The following RBM19 variants were observed in gnomAD, a reference collection of about 807,000 sequenced individuals.
RBM19 encodes the protein RNA binding motif protein 19, also known as probable RNA-binding protein 19.
Under a neutral mutation model 116.8 loss-of-function variants are expected in RBM19, and 94 were observed. The observed-to-expected ratio is 0.80, with a 90% CI of 0.68 to 0.95. The LOEUF is 0.95. Ranked by LOEUF, RBM19 falls within the 40% of genes least tolerant of loss-of-function variation. The pLI is 0.00. For missense variants in RBM19, 1,161 were observed against 1,220.7 expected (o/e 0.95, Z 0.73); for synonymous variants, 475 against 494.1 (o/e 0.96, Z 0.51).
intron 10 of RBM19, 80 bp from the exon 11 acceptor site, chr12:113,947,544 G>A (rs543939985): frequency 1.4e-6 from 2 of 1,464,920 alleles, no homozygotes; most frequent in African/African-American, 2.8e-5. Flanking sequence ...CACCAGCTGT[G>A]AGCCAACCTC....
In RBM19 at chr12:113,940,325, T is replaced by C. The variant is rs1593621487; in HGVS notation, c.1738-165A>G. 2.6e-5 allele frequency among the ~76,000 whole-genome samples: 4 copies of C among 152,342 alleles called. No homozygotes were observed. The South Asian group carries it at 8.3e-4, about 32-fold the overall frequency. ...GGAGGAACGACCCTCTCTGGCATGA[T>C]GCTCCCTGCAAGGCTGCAAGGCAGC... is the stretch of plus-strand genomic sequence containing the variant. On this transcript the variant is annotated intron_variant, in intron 14 of 23. Transcript: ENST00000261741.
At chr12:113,924,550 T>G in intron 18 of RBM19, 147 bp downstream of exon 18, 1 of 759,452 alleles carries the variant, frequency 1.3e-6, no homozygotes, top group South Asian at 1.5e-5. Context: ...TCAAAGAGTC[T>G]GAGGCTGACC....
intron 15 of RBM19, among the ~76,000 whole-genome samples, chr12:113,938,716 A>C (rs556172964): frequency 3.9e-5 from 6 of 152,294 alleles, no homozygotes; most frequent in African/African-American, 1.4e-4. Flanking sequence ...AAGTGTCCTT[A>C]TAAGAGAAAC....
intron 22 of RBM19, among the ~76,000 whole-genome samples, chr12:113,854,488 C>T (rs1877717075): frequency 6.6e-6 from 1 of 152,042 alleles, no homozygotes; most frequent in Admixed American, 6.6e-5. Flanking sequence ...AACCTCTGTC[C>T]CCTGCTTCCC....
At chr12:113,844,869 C>G in intron 22 of RBM19, 81 bp from the exon 23 acceptor site, 1 of 1,489,574 alleles carries the variant, frequency 6.7e-7, no homozygotes, top group Non-Finnish European at 9.0e-7. Flanking sequence ...AGCTGCCTGC[C>G]TGCGTCTCAG....
intron 19 of RBM19, among the ~76,000 whole-genome samples, chr12:113,920,165 C>T (rs1868402454): frequency 6.6e-6 from 1 of 152,178 alleles, no homozygotes; most frequent in Non-Finnish European, 1.5e-5. Flanking sequence ...GACTTCTGGC[C>T]AAGCAGGTGT....
chr12:113,851,734 G>GT (rs11361920), intron 22 of RBM19, among the ~76,000 whole-genome samples: 58,000 of 144,192 alleles, frequency 0.4, 11,811 homozygotes, highest in East Asian at 0.5. Context: ...TTGTGGTAAA[G>GT]TTTTTTTTTT....
At chr12:113,819,543 C>T (rs1215696877), downstream of RBM19, among the ~76,000 whole-genome samples, 3 of 152,208 alleles carry the variant, frequency 2.0e-5, no homozygotes, top group African/African-American at 7.2e-5. Context: ...CTCAGTGCCA[C>T]CTCTGTGGGT....
At position 113,914,972 on chromosome 12, in the gene RBM19, A is replaced by G; in HGVS notation, c.2555T>C (p.Phe852Ser). Residue 852 changes from phenylalanine (F) to serine (S), a missense_variant, in exon 21 of 24, where the codon TTC (phenylalanine) becomes TCC (serine). Physicochemically the swap from Phe to Ser is radical, Grantham distance 155 (BLOSUM62 -2). Transcript: ENST00000261741. Reference sequence around the variant, plus strand: ...GGACTAAACCTGAAGTTCTCACCTGAAGAGCTCTCGGATCTCCCGGCTGTG... The same window carrying G: ...GGACTAAACCTGAAGTTCTCACCTGGAGAGCTCTCGGATCTCCCGGCTGTG... ...QAHSREIREL[F>S]STFGELKTVR... is the part of the protein sequence containing the mutation. The G allele has an allele frequency of 6.2e-7, 1 of 1,612,896 alleles. No homozygotes were observed. Among genetic ancestry groups the G allele is most frequent in the South Asian group, 1.1e-5 (1 of 91,068 alleles).
chr12:113,866,467 T>A (rs1878816797), intron 21 of RBM19, among the ~76,000 whole-genome samples: 2 of 152,158 alleles, frequency 1.3e-5, no homozygotes, highest in Non-Finnish European at 2.9e-5. Context: ...GGGCCTGCGT[T>A]TCAGATGGAA....
intron 21 of RBM19, among the ~76,000 whole-genome samples, chr12:113,911,062 G>A (rs1379623998): frequency 2.7e-5 from 4 of 148,930 alleles, no homozygotes; most frequent in African/African-American, 5.0e-5. Flanking sequence ...GGTGGGGGGG[G>A]TGGGAAGCCC....
At chr12:113,900,853 G>A (rs776124270) in intron 21 of RBM19, among the ~76,000 whole-genome samples, 1 of 152,212 alleles carries the variant, frequency 6.6e-6, no homozygotes, top group Non-Finnish European at 1.5e-5. Flanking sequence ...TGCAAAGCCA[G>A]CTTCTCCAGT....
At chr12:113,944,695 G>A (rs538558873) in intron 13 of RBM19, among the ~76,000 whole-genome samples, 1 of 151,454 alleles carries the variant, frequency 6.6e-6, no homozygotes, top group African/African-American at 2.4e-5. Context: ...CTCGGGAGGT[G>A]AGGTGGGAGG....
chr12:113,879,851 A>G (rs1298279793), intron 21 of RBM19, among the ~76,000 whole-genome samples: 1 of 151,950 alleles, frequency 6.6e-6, no homozygotes, highest in Non-Finnish European at 1.5e-5. Flanking sequence ...CTTTTCCCAG[A>G]TGCCCAATGG....
intron 12 of RBM19, 63 bp from the exon 13 acceptor site, chr12:113,945,987 G>GA (rs1870985129): frequency 7.0e-7 from 1 of 1,424,024 alleles, no homozygotes; most frequent in Non-Finnish European, 9.8e-7. Flanking sequence ...CTCGTTCTCA[G>GA]ACACGAATCC....
At chr12:113,962,489 T>A in intron 1 of RBM19, 75 bp from the exon 2 acceptor site, 2 of 1,444,798 alleles carry the variant, frequency 1.4e-6, no homozygotes, top group Admixed American at 1.8e-5. Context: ...GCTGGAAACC[T>A]GAGGCCACGA....
chr12:113,842,034 G>A (rs1876530056), intron 23 of RBM19, among the ~76,000 whole-genome samples: 1 of 152,220 alleles, frequency 6.6e-6, no homozygotes, highest in Admixed American at 6.5e-5. Flanking sequence ...AGAGCTGCTA[G>A]GGAGTGAATG....
At chr12:113,843,142 C>T (rs984746081) in intron 23 of RBM19, among the ~76,000 whole-genome samples, 5 of 152,222 alleles carry the variant, frequency 3.3e-5, no homozygotes, top group African/African-American at 1.2e-4. Context: ...AGGCTCCTAT[C>T]TCCATAAGAG....
At chr12:113,902,787 A>G (rs764926729) in intron 21 of RBM19, among the ~76,000 whole-genome samples, 10 of 152,014 alleles carry the variant, frequency 6.6e-5, no homozygotes, top group Non-Finnish European at 1.3e-4. Flanking sequence ...TTGTGTAGCT[A>G]TTTTCCTACT....
Sources: allele counts gnomAD v4.1 joint callset (sites outside exome capture counted in the v4.1 genomes callset), GRCh38; gene constraint gnomAD v4.1.1; transcripts MANE v1.5; gene names NCBI Gene and HGNC (gene_info 2026-07-23, HGNC 2026-07-21).